CEP85L: variants seen among roughly 807,000 people sequenced by gnomAD.
CEP85L encodes centrosomal protein of 85 kDa-like.
A neutral mutation model predicts 100.3 loss-of-function variants in CEP85L; 60 were observed. The ratio of observed to expected loss-of-function variants is 0.60; its 90% confidence interval spans 0.49 to 0.74. The LOEUF is 0.74. CEP85L is among the 30% of genes least tolerant of loss of function. The probability of loss-of-function intolerance (pLI) is 0.00; values close to 1 mark genes in which losing one functional copy is unlikely to be tolerated. For synonymous variants in CEP85L, 319 were observed against 322.7 expected, an observed-to-expected ratio of 0.99 and a Z score of 0.12; for missense variants, 973 against 936.2, an observed-to-expected ratio of 1.04 and a Z score of -0.51.
chr6:118,517,748 C>T (rs76352932), intron 4 of CEP85L, among the ~76,000 whole-genome samples: 1,753 of 152,296 alleles, frequency 0.012, 34 homozygotes, highest in African/African-American at 0.04. Context: ...TGCCTGATGG[C>T]CCTGGCCAGA....
intron 3 of CEP85L, among the ~76,000 whole-genome samples, chr6:118,556,551 T>C (rs1490295938): frequency 6.6e-6 from 1 of 152,194 alleles, no homozygotes; most frequent in Non-Finnish European, 1.5e-5. Flanking sequence ...CCTTCCCCTT[T>C]GCCATTCTTT....
chr6:118,575,587 T>C (rs1464328413), intron 2 of CEP85L, among the ~76,000 whole-genome samples: 1 of 151,996 alleles, frequency 6.6e-6, no homozygotes, highest in Non-Finnish European at 1.5e-5. Context: ...TTCAAGCAAA[T>C]GCAGAAAAAA....
intron 1 of CEP85L, among the ~76,000 whole-genome samples, chr6:118,690,613 TG>T (rs1488860052): frequency 1.3e-5 from 2 of 152,246 alleles, no homozygotes; most frequent in African/African-American, 4.8e-5. Flanking sequence ...TTCTTTTCAT[TG>T]GGATTGCTCT....
chr6:118,636,894 G>A (rs1774526535), intron 1 of CEP85L, among the ~76,000 whole-genome samples: 1 of 152,096 alleles, frequency 6.6e-6, no homozygotes, highest in South Asian at 2.1e-4. Flanking sequence ...ATAATCTCAT[G>A]AGCCAATTCT....
Position 118,566,139 on chromosome 6 carries a change from C to T in CEP85L, c.410G>A (p.Ser137Asn). 6.2e-7 allele frequency: 1 copy of T among 1,614,144 alleles called. No homozygotes were observed. The highest frequency in any genetic ancestry group is 8.5e-7 in the Non-Finnish European group (1 of 1,180,028). Residue 137 changes from serine (S) to asparagine (N), a missense_variant, in exon 3 of 13, where the codon AGT becomes AAT. Ser to Asn is a conservative substitution (Grantham distance 46). Coordinates refer to ENST00000368491, the MANE Select transcript of CEP85L (RefSeq NM_001042475.3). ...TAGGGAAGAGTCCTGCTCCCCCCTA[C>T]TGTGGTTTCCCAATGTTTGCATGAG... ...TSLMQTLGNH[S>N]RGEQDSSLDM...
At chr6:118,669,495 G>C (rs1776230770) in intron 1 of CEP85L, among the ~76,000 whole-genome samples, 1 of 152,082 alleles carries the variant, frequency 6.6e-6, no homozygotes, top group Non-Finnish European at 1.5e-5. Flanking sequence ...TGGAGACAAT[G>C]GAAAGCAACT....
intron 4 of CEP85L, among the ~76,000 whole-genome samples, chr6:118,523,165 T>A (rs978194357): frequency 6.6e-6 from 1 of 152,154 alleles, no homozygotes; most frequent in Non-Finnish European, 1.5e-5. Context: ...CATATTTAAT[T>A]ATCCCAAAAG....
intron 2 of CEP85L, among the ~76,000 whole-genome samples, chr6:118,624,151 C>A (rs12189876): frequency 7.1e-4 from 108 of 152,246 alleles, no homozygotes; most frequent in Admixed American, 1.2e-3. Flanking sequence ...TAAAAAGACT[C>A]CTGCAGTTAA....
chr6:118,527,323 T>TCCTA (rs1777035508), intron 3 of CEP85L, among the ~76,000 whole-genome samples: 1 of 152,096 alleles, frequency 6.6e-6, no homozygotes, highest in African/African-American at 2.4e-5. Flanking sequence ...TTAACAAACG[T>TCCTA]GCTTTCCCTG....
At chr6:118,548,724 G>T (rs1778354857) in intron 3 of CEP85L, among the ~76,000 whole-genome samples, 1 of 151,916 alleles carries the variant, frequency 6.6e-6, no homozygotes, top group Non-Finnish European at 1.5e-5. Flanking sequence ...TACCATATTT[G>T]GTAGTAGTGG....
At chr6:118,589,024 C>A in intron 2 of CEP85L, 1 of 248,642 alleles carries the variant, frequency 4.0e-6, no homozygotes, top group African/African-American at 2.3e-5. Flanking sequence ...TGCTGTTGAC[C>A]TCGCCAGGGC....
At chr6:118,555,254 A>C (rs1217800423) in intron 3 of CEP85L, among the ~76,000 whole-genome samples, 2 of 151,820 alleles carry the variant, frequency 1.3e-5, no homozygotes, top group Non-Finnish European at 2.9e-5. Context: ...ACATGGTGAA[A>C]CCCCGTCTCT....
At chr6:118,567,133 G>A (rs1779555565) in intron 2 of CEP85L, among the ~76,000 whole-genome samples, 1 of 151,136 alleles carries the variant, frequency 6.6e-6, no homozygotes, top group Admixed American at 6.6e-5. Flanking sequence ...ATGAAAAATA[G>A]TCCCAAAGGG....
chr6:118,473,132 A>G (rs959866356), intron 10 of CEP85L, among the ~76,000 whole-genome samples: 5 of 152,230 alleles, frequency 3.3e-5, no homozygotes, highest in Non-Finnish European at 7.3e-5. Context: ...TCCTTCATGC[A>G]AAAATCATTG....
chr6:118,538,094 C>T (rs905145475), intron 3 of CEP85L: 11 of 283,338 alleles, frequency 3.9e-5, no homozygotes, highest in East Asian at 1.7e-4. Flanking sequence ...ATAAAATCTA[C>T]GTCTTAACTA....
At chr6:118,643,144 A>G (rs1460262907) in intron 1 of CEP85L, among the ~76,000 whole-genome samples, 7 of 152,232 alleles carry the variant, frequency 4.6e-5, no homozygotes, top group African/African-American at 1.7e-4. Context: ...AAGTCTTAAA[A>G]TATTACAAAA....
At chr6:118,648,248 T>G (rs1053753677) in intron 1 of CEP85L, among the ~76,000 whole-genome samples, 1 of 152,152 alleles carries the variant, frequency 6.6e-6, no homozygotes, top group Non-Finnish European at 1.5e-5. Context: ...AGGGAAACTC[T>G]GTCTCAAAAA....
At chr6:118,644,635 A>AT (rs1775070003) in intron 1 of CEP85L, among the ~76,000 whole-genome samples, 2 of 152,212 alleles carry the variant, frequency 1.3e-5, no homozygotes, top group South Asian at 4.1e-4. Flanking sequence ...TGGCATCACT[A>AT]TCGATTATAA....
At chr6:118,651,095 G>C (rs952438307) in intron 1 of CEP85L, 102 bp downstream of exon 1, 18 of 1,393,442 alleles carry the variant, frequency 1.3e-5, no homozygotes, top group Non-Finnish European at 1.6e-5. Flanking sequence ...AGGCGGCCGG[G>C]GTAAGACAGG....
Sources: allele counts gnomAD v4.1 joint callset (sites outside exome capture counted in the v4.1 genomes callset), GRCh38; gene constraint gnomAD v4.1.1; transcripts MANE v1.5; gene names NCBI Gene and HGNC (gene_info 2026-07-23, HGNC 2026-07-21).